RBM12B: variants seen among roughly 807,000 people sequenced by gnomAD.
RBM12B encodes RNA-binding protein 12B.
In RBM12B, 10 loss-of-function variants were observed where a neutral mutation model predicts 34.3. The ratio of observed to expected loss-of-function variants is 0.29; its 90% CI spans 0.18 to 0.49. The LOEUF (loss-of-function observed/expected upper bound fraction) is 0.49, where lower values mean the gene tolerates loss of function less well. Among genes scored for constraint, RBM12B ranks in the 20% least tolerant of loss-of-function variants. The probability of loss-of-function intolerance (pLI) is 0.99; values close to 1 mark genes in which losing one functional copy is unlikely to be tolerated. For missense variants in RBM12B, 1,139 were observed against 1,262.7 expected (o/e 0.90, Z 1.48); for synonymous variants, 477 against 437.1 (o/e 1.09, Z -1.14).
intron 2 of RBM12B, chr8:93,738,985 A>G (rs1348026460): frequency 6.6e-6 from 1 of 152,226 alleles, no homozygotes; most frequent in Non-Finnish European, 1.5e-5. Flanking sequence ...CAGGTTTGCT[A>G]TTAAAGTATT....
At position 93,734,937 on chromosome 8, in the gene RBM12B, T is replaced by C. The variant is rs1274485483; in HGVS notation, c.1474A>G (p.Ser492Gly). The change falls in exon 4 of 4, where the codon AGT becomes GGT. Residue 492 changes from serine to glycine, a missense_variant. Physicochemically the swap from Ser to Gly is moderately conservative, Grantham distance 56. Around this residue, in one of 3 missense-constraint regions of RBM12B, gnomAD observed 863 missense variants for 869.5 expected, o/e 0.99. Coordinates refer to ENST00000520560, the MANE Select transcript of RBM12B (RefSeq NM_001377960.1). ...EFGVNFSVMSSEKMQARSQSR... is the reference protein window; with the variant it reads ...EFGVNFSVMSGEKMQARSQSR... ...TGTGAGCGAGCTTGCATTTTTTCAC[T>C]GGACATCACAGAAAAATTTACACCA... 1.1e-5 allele frequency: 17 copies of C among 1,614,004 alleles called. No homozygotes were observed. The highest frequency in any genetic ancestry group is 1.4e-5 in the Non-Finnish European group (16 of 1,180,018).
chr8:93,740,322 C>A (rs892663784), intron 2 of RBM12B: 3 of 457,286 alleles, frequency 6.6e-6, no homozygotes, highest in Middle Eastern at 6.5e-4. Flanking sequence ...CAGCCCAAAG[C>A]CTTTGTCCAC....
Position 93,728,979 on chromosome 8 carries a change from C to G in RBM12B, c.*4426G>C, listed in dbSNP as rs1811677978. Reference sequence around the variant, plus strand: ...AGGCTAATTTGGTGGAATGTTGCCTCATCATAGAACACCATAGATCATTAA... The same window carrying G: ...AGGCTAATTTGGTGGAATGTTGCCTGATCATAGAACACCATAGATCATTAA... On this transcript the variant is annotated 3_prime_UTR_variant, in exon 4 of 4. Transcript: ENST00000520560. The G allele has an allele frequency of 6.6e-6, 1 of 152,082 alleles. No homozygotes were observed. Among genetic ancestry groups the G allele is most frequent in the Non-Finnish European group, 1.5e-5 (1 of 67,974 alleles). 9.4% of individuals were successfully genotyped at this position (152,082 alleles called of 1,614,324 possible).
At chr8:93,740,847 G>A (rs1410941383) in intron 1 of RBM12B, 34 bp downstream of exon 1, 1 of 334,322 alleles carries the variant, frequency 3.0e-6, no homozygotes, top group African/African-American at 2.2e-5. Context: ...GCGCCCCGAG[G>A]GGAACTGCTT....
rs1268683244 is a variant in RBM12B at position 93,734,009 on chromosome 8, T to C, written c.2402A>G (p.Glu801Gly). The change falls in exon 4 of 4, where the codon GAA becomes GGA. Residue 801 changes from glutamate (E) to glycine (G), a missense_variant. Glu to Gly is a moderately conservative substitution (Grantham distance 98, BLOSUM62 -2). This residue lies in a region of RBM12B where 863 missense variants were observed against 869.5 expected (regional missense o/e 0.99). Transcript: ENST00000520560. The stretch of plus-strand genomic sequence containing the variant: ...TTCATCTGGTGGGTGCCTGAAATCT[T>C]CCTCTCGGGAGCGCCTGAAATGCTC... ...PQEHFRRSREEDFRHPPDEDF... is the reference protein window; with the variant it reads ...PQEHFRRSREGDFRHPPDEDF... 1 of 1,610,370 alleles carries C rather than the reference T, an allele frequency of 6.2e-7. No individual in the cohort carries two copies. Among genetic ancestry groups the C allele is most frequent in the Non-Finnish European group, 8.5e-7 (1 of 1,178,990 alleles).
Position 93,733,801 on chromosome 8 carries a change from C to T in RBM12B, c.2610G>A (p.Glu870=), listed in dbSNP as rs1208601393. The T allele has an allele frequency of 1.2e-6, 2 of 1,614,016 alleles. No individual in the cohort carries two copies. Among genetic ancestry groups the T allele is most frequent in the East Asian group, 2.2e-5 (1 of 44,890 alleles). The change falls in exon 4 of 4, where the codon GAG becomes GAA. Residue 870 remains glutamate, a synonymous_variant. Coordinates refer to ENST00000520560, the MANE Select transcript of RBM12B (RefSeq NM_001377960.1). ...AATCATCAGGCGGGCTCCTAAAATC[C>T]TCACCAGGAGGTCTAAAATTGTCAG... is the stretch of plus-strand genomic sequence containing the variant. ...RLPDNFRPPG[E]DFRSPPDDFR...
rs765324794 is a variant in RBM12B at position 93,733,481 on chromosome 8, T to A, written c.2930A>T (p.Asn977Ile). 1.2e-6 allele frequency: 2 copies of A among 1,602,792 alleles called. No individual in the cohort carries two copies. The highest frequency in any genetic ancestry group is 1.7e-6 in the Non-Finnish European group (2 of 1,174,208). The change falls in exon 4 of 4, where the codon AAT becomes ATT. Residue 977 changes from asparagine to isoleucine, a missense_variant. This residue lies in a region of RBM12B where 60 missense variants were observed against 101.0 expected (regional missense o/e 0.59). Coordinates refer to ENST00000520560, the MANE Select transcript of RBM12B (RefSeq NM_001377960.1). ...ATCTTTAATAGCAGCCATAGCTTCA[T>A]TATAGTTTATCATAGCAACAATGGC... The part of the protein sequence containing the change: ...GEAIVAMINY[N>I]EAMAAIKDLN...
intron 2 of RBM12B, among the ~76,000 whole-genome samples, chr8:93,739,726 TC>T (rs1156273335): frequency 6.6e-6 from 1 of 152,254 alleles, no homozygotes; most frequent in Non-Finnish European, 1.5e-5. Flanking sequence ...GCCTTTGTGT[TC>T]ATTTGAAGAC....
At position 93,734,144 on chromosome 8, in the gene RBM12B, C is replaced by T. The variant is rs374866853; in HGVS notation, c.2267G>A (p.Arg756Gln). 25 of 1,562,342 alleles carry T rather than the reference C, an allele frequency of 1.6e-5. No individual in the cohort carries two copies. The highest frequency in any genetic ancestry group is 9.5e-5 in the Admixed American group (5 of 52,810). The change falls in exon 4 of 4, where the codon CGG becomes CAG. Residue 756 changes from arginine to glutamine, a missense_variant. Physicochemically the swap from Arg to Gln is conservative, Grantham distance 43. Coordinates refer to ENST00000520560, the MANE Select transcript of RBM12B (RefSeq NM_001377960.1). ...HFRRPPPEHF[R>Q]RPPPEHFRRP... ...CCTGAAGTGCTCTGGGGGTGGCCGC[C>T]GGAAGTGCTCTGGGGGAGGCCGCCT... is the stretch of plus-strand genomic sequence containing the variant.
chr8:93,728,287 T>G lies in RBM12B; in HGVS notation c.*5118A>C, dbSNP rs767892526. Reference sequence around the variant, plus strand: ...TTAGATGTTACAGAAGAAGAAAATTTTCTTAAGTAAACTACACATTTCCAT... The same window carrying G: ...TTAGATGTTACAGAAGAAGAAAATTGTCTTAAGTAAACTACACATTTCCAT... On this transcript the variant is annotated 3_prime_UTR_variant, in exon 4 of 4. Transcript: ENST00000520560. 5.7e-6 allele frequency: 9 copies of G among 1,581,322 alleles called. No individual in the cohort carries two copies.
At chr8:93,737,768 A>C (rs1378134261) in intron 2 of RBM12B, among the ~76,000 whole-genome samples, 2 of 151,598 alleles carry the variant, frequency 1.3e-5, no homozygotes, top group East Asian at 3.9e-4. Context: ...ATCTACTTCA[A>C]AAAACTGTTC....
rs985926105 is a variant in RBM12B at position 93,730,920 on chromosome 8, G to GGA, written c.*2483_*2484dup. On this transcript the variant is annotated 3_prime_UTR_variant, in exon 4 of 4. Transcript: ENST00000520560. ...ACACCTGTAATCCCAACACATTCTG[G>GGA]GAGACCAAGGAGTGAGGATTGCTTG... The GGA allele has an allele frequency of 5.3e-5, 8 of 152,146 alleles. No homozygotes were observed. The highest frequency in any genetic ancestry group is 2.0e-4 in the Admixed American group (3 of 15,276). The allele number at this position is 152,146 out of a possible 1,614,324, so 9.4% of individuals were successfully genotyped here.
rs1055761280 is a variant in RBM12B, at chr8:93,731,398, T to G, written c.*2007A>C. 2.0e-5 allele frequency: 3 copies of G among 152,224 alleles called. No homozygotes were observed. Among genetic ancestry groups the G allele is most frequent in the Non-Finnish European group, 4.4e-5 (3 of 68,050 alleles). The allele number at this position is 152,224 out of a possible 1,614,324, so 9.4% of individuals were successfully genotyped here. On this transcript the variant is annotated 3_prime_UTR_variant, in exon 4 of 4. Coordinates refer to ENST00000520560, the MANE Select transcript of RBM12B (RefSeq NM_001377960.1). ...TCTTTGCTCAATTAAAAATATCATT[T>G]CTACTTTCTTCATTGTGCTTGGTTT... is the stretch of plus-strand genomic sequence containing the variant.
chr8:93,736,127 C>G lies in RBM12B; in HGVS notation c.284G>C (p.Arg95Pro). The G allele has an allele frequency of 6.2e-7, 1 of 1,614,202 alleles. No individual in the cohort carries two copies. ...AACCCCTGATGTCCCAGATCCTGGA[C>G]GCCCTCTTCCTACACGATCAGTTCT... ...MKRTDRVGRG[R>P]PGSGTSGVDS... Residue 95 changes from arginine (R) to proline (P), a missense_variant, in exon 4 of 4, where the codon CGT becomes CCT. Physicochemically the swap from Arg to Pro is moderately radical, Grantham distance 103 (BLOSUM62 -2). Coordinates refer to ENST00000520560, the MANE Select transcript of RBM12B (RefSeq NM_001377960.1).
At chr8:93,738,676 T>C (rs1025358976) in intron 2 of RBM12B, among the ~76,000 whole-genome samples, 6 of 152,158 alleles carry the variant, frequency 3.9e-5, no homozygotes, top group African/African-American at 1.2e-4. Flanking sequence ...TTGCCCAGGC[T>C]GGTAGGGAAC....
chr8:93,738,525 G>A lies in RBM12B; in HGVS notation c.-77-1170C>T, dbSNP rs186037886. Among the ~76,000 whole-genome samples, 269 of 152,264 alleles carry A rather than the reference G, an allele frequency of 1.8e-3. 1 individual carries two copies. The highest frequency in any genetic ancestry group is 6.2e-3 in the African/African-American group (256 of 41,562). On this transcript the variant is annotated intron_variant, in intron 2 of 3. Coordinates refer to ENST00000520560, the MANE Select transcript of RBM12B (RefSeq NM_001377960.1). ...TACCCAGGCTGGAGTGCACTGGTGC[G>A]ATCTTGGCTCACTACAGCCTCGACT...
chr8:93,733,349 T>TA lies in RBM12B; in HGVS notation c.*55dup. ...AAAAAACACTTTTTTAAAACAAATG[T>TA]ATTTTACTCCATCAATACTGCAAGG... On this transcript the variant is annotated 3_prime_UTR_variant, in exon 4 of 4. Coordinates refer to ENST00000520560, the MANE Select transcript of RBM12B (RefSeq NM_001377960.1). 2 of 1,355,424 alleles carry TA rather than the reference T, an allele frequency of 1.5e-6. No homozygotes were observed. The highest frequency in any genetic ancestry group is 9.7e-7 in the Non-Finnish European group (1 of 1,032,720). 84.0% of individuals were successfully genotyped at this position (1,355,424 alleles called of 1,614,324 possible). A position where few individuals can be genotyped will look rare whatever the true frequency, so the allele number is the denominator to read the frequency against.
Position 93,734,060 on chromosome 8 carries a change from T to C in RBM12B, c.2351A>G (p.Gln784Arg), listed in dbSNP as rs1203887035. 1.9e-6 allele frequency: 3 copies of C among 1,584,844 alleles called. No homozygotes were observed. Among genetic ancestry groups the C allele is most frequent in the Non-Finnish European group, 2.6e-6 (3 of 1,168,836 alleles). Reference protein sequence around the residue: ...PPPEHFRRPPQEHFRRPPQEH... With the variant: ...PPPEHFRRPPREHFRRPPQEH... The stretch of plus-strand genomic sequence containing the variant: ...CTGAGGCGGCCGCCTGAAATGCTCC[T>C]GGGGCGGTCTCCGGAAGTGCTCCGG... Residue 784 changes from glutamine to arginine, a missense_variant, in exon 4 of 4, where the codon CAG becomes CGG. Gln to Arg is a conservative substitution (Grantham distance 43). Around this residue, in one of 3 missense-constraint regions of RBM12B, gnomAD observed 863 missense variants for 869.5 expected, o/e 0.99. Coordinates refer to ENST00000520560, the MANE Select transcript of RBM12B (RefSeq NM_001377960.1).
chr8:93,740,831 C>T, intron 1 of RBM12B, 50 bp downstream of exon 1: 1 of 334,156 alleles, frequency 3.0e-6, no homozygotes, highest in Non-Finnish European at 5.8e-6. Flanking sequence ...GCCCTCCCCA[C>T]CCCCGGCGCC....
Sources: gnomAD v4.1 joint callset for allele counts (sites outside exome capture counted in the v4.1 genomes callset) on GRCh38, gnomAD v4.1.1 for gene constraint, gnomAD v4.1.1 regional missense constraint, MANE v1.5 for transcripts, NCBI Gene and HGNC (gene_info 2026-07-23, HGNC 2026-07-21) for gene names.